The following CDH4 variants were observed in gnomAD, a reference collection of about 807,000 sequenced individuals.
The protein encoded by CDH4 is cadherin 4.
Under a neutral mutation model 86.0 loss-of-function variants are expected in CDH4, and 33 were observed. The observed-to-expected ratio is 0.38, with a 90% CI of 0.29 to 0.51. The LOEUF (loss-of-function observed/expected upper bound fraction) is 0.51, where lower values mean the gene tolerates loss of function less well. Among genes scored for constraint, CDH4 ranks in the 20% least tolerant of loss-of-function variants. CDH4 has a pLI of 0.86. For missense variants in CDH4, 1,114 were observed against 1,307.4 expected, an observed-to-expected ratio of 0.85 and a Z score of 2.28; for synonymous variants, 555 against 549.4, an observed-to-expected ratio of 1.01 and a Z score of -0.14.
intron 4 of CDH4, among the ~76,000 whole-genome samples, chr20:61,808,156 G>T (rs1051735003): frequency 1.3e-5 from 2 of 151,848 alleles, no homozygotes; most frequent in South Asian, 4.2e-4. Flanking sequence ...AAGGCTGCGG[G>T]GGCCCAGAAC....
intron 2 of CDH4, among the ~76,000 whole-genome samples, chr20:61,547,492 G>A (rs946780763): frequency 6.6e-6 from 1 of 150,868 alleles, no homozygotes; most frequent in Non-Finnish European, 1.5e-5. Context: ...GGGATTACAG[G>A]CATGAGCCAC....
At chr20:61,611,690 G>C (rs1421521654) in intron 2 of CDH4, among the ~76,000 whole-genome samples, 1 of 152,140 alleles carries the variant, frequency 6.6e-6, no homozygotes, top group Non-Finnish European at 1.5e-5. Flanking sequence ...AAATGTCTTG[G>C]TTGCACGCTC....
intron 2 of CDH4, among the ~76,000 whole-genome samples, chr20:61,536,265 C>T (rs1284918229): frequency 6.6e-6 from 1 of 152,178 alleles, no homozygotes; most frequent in African/African-American, 2.4e-5. Flanking sequence ...CCCCCCGAAC[C>T]CAGAAGTCCC....
chr20:61,891,483 A>T (rs1020482249), intron 7 of CDH4, among the ~76,000 whole-genome samples: 3 of 152,232 alleles, frequency 2.0e-5, no homozygotes, highest in Non-Finnish European at 4.4e-5. Flanking sequence ...CCCCTTCTCC[A>T]GGTGACTGAT....
chr20:61,543,596 A>G (rs535677615), intron 2 of CDH4, among the ~76,000 whole-genome samples: 3 of 152,336 alleles, frequency 2.0e-5, no homozygotes, highest in East Asian at 3.9e-4. Context: ...AAAAAATAAT[A>G]ATAGCAACAA....
intron 4 of CDH4, among the ~76,000 whole-genome samples, chr20:61,801,015 T>C (rs1030675938): frequency 6.6e-6 from 1 of 152,126 alleles, no homozygotes; most frequent in Non-Finnish European, 1.5e-5. Flanking sequence ...GGGGCACTGA[T>C]TGTCCCCTTC....
rs924426638 is a variant in CDH4, at chr20:61,516,333, C to G, written c.170-227230C>G. On this transcript the variant is annotated intron_variant, in intron 2 of 15. Transcript: ENST00000614565. The surrounding 1 kb of genome is among the most constrained non-coding windows in gnomAD (Gnocchi z 4.0). ...ACATCCCGTCTATTAATGCCATGGT[C>G]CCTGAGCAGTCATGGGACCAACATC... is the stretch of plus-strand genomic sequence containing the variant. Among the ~76,000 whole-genome samples, 1 of 152,182 alleles carries G rather than the reference C, an allele frequency of 6.6e-6. No individual in the cohort carries two copies. The highest frequency in any genetic ancestry group is 2.4e-5 in the African/African-American group (1 of 41,430).
At chr20:61,813,897 C>T (rs1980571375) in intron 4 of CDH4, among the ~76,000 whole-genome samples, 1 of 152,186 alleles carries the variant, frequency 6.6e-6, no homozygotes, top group Non-Finnish European at 1.5e-5. Flanking sequence ...TCTCCAGTGC[C>T]CCTGGGAGCA....
rs924355070 is a variant in CDH4, at chr20:61,487,136, G to A, written c.169+232199G>A. Among the ~76,000 whole-genome samples the A allele has an allele frequency of 2.6e-5, 4 of 152,166 alleles. 1 individual carries two copies. Among genetic ancestry groups the A allele is most frequent in the Admixed American group, 2.6e-4 (4 of 15,288 alleles). On this transcript the variant is annotated intron_variant, in intron 2 of 15. Transcript: ENST00000614565. ...ATTTTTGGGAAGGGTGTAAGGTCTA[G>A]GTCCAGTTTTATTTCTGTGTATGTG... is the stretch of plus-strand genomic sequence containing the variant.
intron 2 of CDH4, among the ~76,000 whole-genome samples, chr20:61,530,509 C>T (rs2085943952): frequency 6.6e-6 from 1 of 152,040 alleles, no homozygotes; most frequent in African/African-American, 2.4e-5. Context: ...GGGGACCCTG[C>T]ACGGCATGTA....
chr20:61,408,400 A>T (rs1233427305), intron 2 of CDH4, among the ~76,000 whole-genome samples: 1 of 152,080 alleles, frequency 6.6e-6, no homozygotes, highest in Non-Finnish European at 1.5e-5. Context: ...CATGCTCTAG[A>T]TCTGGACCTC....
chr20:61,552,661 C>T (rs978694450), intron 2 of CDH4, among the ~76,000 whole-genome samples: 4 of 152,072 alleles, frequency 2.6e-5, no homozygotes, highest in African/African-American at 9.7e-5. Flanking sequence ...GATCATGCCA[C>T]GGTACTCCAG....
chr20:61,301,565 G>A (rs571836960), intron 2 of CDH4, among the ~76,000 whole-genome samples: 10 of 152,140 alleles, frequency 6.6e-5, no homozygotes, highest in South Asian at 2.1e-4. Context: ...ATTATTCTCC[G>A]GCCATAAAAC....
chr20:61,595,879 A>T (rs1184183466), intron 2 of CDH4, among the ~76,000 whole-genome samples: 1 of 152,224 alleles, frequency 6.6e-6, no homozygotes, highest in Non-Finnish European at 1.5e-5. Flanking sequence ...GGGGTGAATG[A>T]TTCCCGCACG....
At chr20:61,490,856 TAAAG>T (rs1305120895) in intron 2 of CDH4, among the ~76,000 whole-genome samples, 3 of 152,160 alleles carry the variant, frequency 2.0e-5, no homozygotes, top group Non-Finnish European at 4.4e-5. Flanking sequence ...CCCAAATCCT[TAAAG>T]AAACGTAAAG....
chr20:61,840,566 CA>C (rs1982114970), intron 4 of CDH4, among the ~76,000 whole-genome samples: 1 of 152,252 alleles, frequency 6.6e-6, no homozygotes, highest in South Asian at 2.1e-4. Flanking sequence ...ACTAACCTTT[CA>C]CCATCTGTTC....
chr20:61,626,924 T>G (rs1186484637), intron 2 of CDH4, among the ~76,000 whole-genome samples: 2 of 152,198 alleles, frequency 1.3e-5, no homozygotes, highest in Non-Finnish European at 2.9e-5. Context: ...TGAGAGCCAC[T>G]GAAAATCAGG....
chr20:61,702,339 C>T (rs1015617290), intron 2 of CDH4, among the ~76,000 whole-genome samples: 2 of 152,090 alleles, frequency 1.3e-5, no homozygotes, highest in African/African-American at 4.8e-5. Context: ...AGGATGGGAC[C>T]GAACAAAGGT....
rs872835 is a variant in CDH4, at chr20:61,930,756, G to T, written c.2239+914G>T. Among the ~76,000 whole-genome samples, 1,431 of 152,330 alleles carry T rather than the reference G, an allele frequency of 9.4e-3. 20 individuals are homozygous for T. Among genetic ancestry groups the T allele is most frequent in the African/African-American group, 0.031 (1,281 of 41,576 alleles). ...ATTTCTGAGGCTTGTTTTGAAAGCC[G>T]TTCAGTGTCGTGGGCTTCTTTGTAT... On this transcript the variant is annotated intron_variant, in intron 13 of 15. Coordinates refer to ENST00000614565, the MANE Select transcript of CDH4 (RefSeq NM_001794.5).
Sources: gnomAD v4.1 joint callset for allele counts (sites outside exome capture counted in the v4.1 genomes callset) on GRCh38, gnomAD v4.1.1 for gene constraint, Gnocchi (gnomAD v3.1) non-coding constraint, MANE v1.5 for transcripts, NCBI Gene and HGNC (gene_info 2026-07-23, HGNC 2026-07-21) for gene names.